The following MARCHF4 variants were observed in gnomAD, a reference collection of about 807,000 sequenced individuals.
MARCHF4 encodes the protein membrane associated ring-CH-type finger 4, also known as E3 ubiquitin-protein ligase MARCHF4.
Under a neutral mutation model 43.9 loss-of-function variants are expected in MARCHF4, and 14 were observed. The ratio of observed to expected loss-of-function variants is 0.32; its 90% confidence interval spans 0.21 to 0.50. The LOEUF is 0.50. Ranked by LOEUF, MARCHF4 falls within the 20% of genes least tolerant of loss-of-function variation. The pLI is 0.98. For missense variants in MARCHF4, 468 were observed against 536.7 expected, an observed-to-expected ratio of 0.87 and a Z score of 1.27; for synonymous variants, 226 against 213.3, an observed-to-expected ratio of 1.06 and a Z score of -0.52.
At chr2:216,301,067 G>A (rs1454145559) in intron 1 of MARCHF4, among the ~76,000 whole-genome samples, 3 of 152,174 alleles carry the variant, frequency 2.0e-5, no homozygotes, top group Non-Finnish European at 4.4e-5. Context: ...TGCAGCCAGC[G>A]CATCCTGCTG....
intron 1 of MARCHF4, among the ~76,000 whole-genome samples, chr2:216,317,125 C>A (rs530354297): frequency 6.6e-6 from 1 of 152,304 alleles, no homozygotes; most frequent in South Asian, 2.1e-4. Context: ...GCCCCCACCC[C>A]CCAAAGCCAT....
chr2:216,268,133 C>T (rs758464057), intron 3 of MARCHF4, among the ~76,000 whole-genome samples: 8 of 152,198 alleles, frequency 5.3e-5, no homozygotes, highest in Admixed American at 1.3e-4. Flanking sequence ...GGATGCCCCA[C>T]GGTCACAAGT....
chr2:216,353,876 A>G (rs1692439705), intron 1 of MARCHF4, among the ~76,000 whole-genome samples: 1 of 152,180 alleles, frequency 6.6e-6, no homozygotes, highest in Non-Finnish European at 1.5e-5. Context: ...AAGATCAGGA[A>G]AACAATGCCT....
chr2:216,343,976 A>C (rs1692273350), intron 1 of MARCHF4, among the ~76,000 whole-genome samples: 1 of 152,190 alleles, frequency 6.6e-6, no homozygotes, highest in African/African-American at 2.4e-5. Flanking sequence ...GAATTGATCC[A>C]GTATGGATGG....
intron 3 of MARCHF4, among the ~76,000 whole-genome samples, chr2:216,267,914 T>C (rs549684016): frequency 6.6e-6 from 1 of 152,346 alleles, no homozygotes; most frequent in Admixed American, 6.5e-5. Flanking sequence ...TCTAAATCAG[T>C]CATCTTCATC....
chr2:216,268,783 A>G (rs184521385), intron 3 of MARCHF4, among the ~76,000 whole-genome samples: 1 of 152,332 alleles, frequency 6.6e-6, no homozygotes, highest in East Asian at 1.9e-4. Flanking sequence ...TCAGGAAATT[A>G]AAAGGTTTTA....
Position 216,277,884 on chromosome 2 carries a change from C to A in MARCHF4, c.673-20G>T. The stretch of plus-strand genomic sequence containing the variant: ...CTGCCACTGCAGGGGAGAGAGTGGC[C>A]AGTTAGCAGTTGCTTGGATGCCCTT... On this transcript the variant is annotated intron_variant, in intron 2 of 3. Transcript: ENST00000273067. 1 of 1,590,976 alleles carries A rather than the reference C, an allele frequency of 6.3e-7. No homozygotes were observed.
chr2:216,368,554 T>C (rs920715645), intron 1 of MARCHF4, among the ~76,000 whole-genome samples: 1 of 151,942 alleles, frequency 6.6e-6, no homozygotes, highest in Non-Finnish European at 1.5e-5. Flanking sequence ...AGCAAGAAAA[T>C]GAATGAAAAT....
At chr2:216,349,740 G>C (rs1692370641) in intron 1 of MARCHF4, among the ~76,000 whole-genome samples, 1 of 152,216 alleles carries the variant, frequency 6.6e-6, no homozygotes, top group African/African-American at 2.4e-5. Flanking sequence ...GGATTAGCCA[G>C]AGTATCTGGT....
At chr2:216,349,915 C>T (rs1203116767) in intron 1 of MARCHF4, among the ~76,000 whole-genome samples, 2 of 152,092 alleles carry the variant, frequency 1.3e-5, no homozygotes, top group African/African-American at 4.8e-5. Context: ...CAGGTCGTGG[C>T]CTGATGCTTT....
intron 1 of MARCHF4, among the ~76,000 whole-genome samples, chr2:216,352,262 C>T (rs1048135515): frequency 6.6e-6 from 1 of 152,226 alleles, no homozygotes; most frequent in African/African-American, 2.4e-5. Context: ...TGTCCCCCTT[C>T]CTCAAGTGGG....
chr2:216,269,672 C>T lies in MARCHF4; in HGVS notation c.865+8000G>A, dbSNP rs113882255. Among the ~76,000 whole-genome samples, 1,021 of 151,638 alleles carry T rather than the reference C, an allele frequency of 6.7e-3. 12 individuals carry two copies. Among genetic ancestry groups the T allele is most frequent in the African/African-American group, 0.023 (966 of 41,320 alleles). On this transcript the variant is annotated intron_variant, in intron 3 of 3. Transcript: ENST00000273067. ...CCCTGATGATTACAAGGACACACTA[C>T]TTTACATTTGCCACAGTGCTCAAAC...
chr2:216,282,395 T>C (rs2105940266), intron 2 of MARCHF4, among the ~76,000 whole-genome samples: 1 of 152,170 alleles, frequency 6.6e-6, no homozygotes. Context: ...TGCTTCCAGC[T>C]GCTCCTCCAT....
At position 216,259,195 on chromosome 2, in the gene MARCHF4, G is replaced by T; in HGVS notation, c.*117C>A. ...GCTCTGACACTACCCCAGGGCTCCC[G>T]CCAGGTCCCCCACCCTCTGCCTGCT... On this transcript the variant is annotated 3_prime_UTR_variant, in exon 4 of 4. Transcript: ENST00000273067. 4 of 1,450,466 alleles carry T rather than the reference G, an allele frequency of 2.8e-6. No homozygotes were observed. Among genetic ancestry groups the T allele is most frequent in the African/African-American group, 1.4e-5 (1 of 71,034 alleles). The allele number at this position is 1,450,466 out of a possible 1,614,324, so 89.8% of individuals were successfully genotyped here. A position where few individuals can be genotyped will look rare whatever the true frequency, so the allele number is the denominator to read the frequency against.
Position 216,258,528 on chromosome 2 carries a change from G to GTT in MARCHF4, c.*783_*784insAA, listed in dbSNP as rs1690688740. On this transcript the variant is annotated 3_prime_UTR_variant, in exon 4 of 4. Transcript: ENST00000273067. ...TAGGGGTGTGTGTGTGTGTGTGTGT[G>GTT]TGTGTGTGTGTGTGTGTCCTGTAAA... 1 of 153,758 alleles carries GTT rather than the reference G, an allele frequency of 6.5e-6. No homozygotes were observed. The highest frequency in any genetic ancestry group is 2.1e-4 in the South Asian group (1 of 4,838). The allele number at this position is 153,758 out of a possible 1,614,324, so 9.5% of individuals were successfully genotyped here. A position where few individuals can be genotyped will look rare whatever the true frequency, so the allele number is the denominator to read the frequency against.
At chr2:216,285,209 C>T (rs1048771814) in intron 1 of MARCHF4, among the ~76,000 whole-genome samples, 6 of 152,156 alleles carry the variant, frequency 3.9e-5, no homozygotes, top group African/African-American at 1.4e-4. Flanking sequence ...ATGAGAATGC[C>T]CACTCCGTGA....
rs544054419 is a variant in MARCHF4 at position 216,280,905 on chromosome 2, GAGAC to G, written c.672+2665_672+2668del. Among the ~76,000 whole-genome samples, 69 of 151,806 alleles carry G rather than the reference GAGAC, an allele frequency of 4.5e-4. 2 individuals carry two copies. The Middle Eastern group carries it at 0.01, about 23-fold the overall frequency. On this transcript the variant is annotated intron_variant, in intron 2 of 3. Transcript: ENST00000273067. ...ATAATTGCAATTCACATGTAACAAA[GAGAC>G]AGTAGGAAGCAGCCATGAAACCTTT...
intron 1 of MARCHF4, among the ~76,000 whole-genome samples, chr2:216,350,935 C>T (rs1044674145): frequency 1.3e-5 from 2 of 152,070 alleles, no homozygotes; most frequent in Non-Finnish European, 1.5e-5. Context: ...TTAATTAAAC[C>T]GTAGAAAGAG....
intron 1 of MARCHF4, 74 bp downstream of exon 1, chr2:216,369,671 G>T: frequency 8.1e-7 from 1 of 1,238,002 alleles, no homozygotes; most frequent in Non-Finnish European, 1.1e-6. Context: ...CGTTCCCCAG[G>T]GCAAGCAGGC....
Sources: gnomAD v4.1 joint callset for allele counts (sites outside exome capture counted in the v4.1 genomes callset) on GRCh38, gnomAD v4.1.1 for gene constraint, MANE v1.5 for transcripts, NCBI Gene and HGNC (gene_info 2026-07-23, HGNC 2026-07-21) for gene names.